Variants in NAV1 observed in about 807,000 individuals in gnomAD.
NAV1 encodes pore membrane and/or filament interacting like protein 3.
NAV1 carries 18 observed loss-of-function variants against 175.2 expected under a neutral mutation model. The ratio of observed to expected loss-of-function variants is 0.10; its 90% CI spans 0.07 to 0.15. The LOEUF (loss-of-function observed/expected upper bound fraction) is 0.15. Among genes scored for constraint, NAV1 ranks in the 10% least tolerant of loss-of-function variants. NAV1 has a pLI of 1.00. For missense variants in NAV1, 1,731 were observed against 2,436.6 expected, an observed-to-expected ratio of 0.71 and a Z score of 6.10; for synonymous variants, 897 against 978.7, an observed-to-expected ratio of 0.92 and a Z score of 1.56.
At chr1:201,707,536 T>C (rs2102458694) in intron 1 of NAV1, among the ~76,000 whole-genome samples, 1 of 152,352 alleles carries the variant, frequency 6.6e-6, no homozygotes, top group South Asian at 2.1e-4. Flanking sequence ...CAGGTCTTTC[T>C]GAATCTAAGG....
intron 2 of NAV1, among the ~76,000 whole-genome samples, chr1:201,613,270 G>T (rs948662695): frequency 3.9e-5 from 6 of 152,094 alleles, no homozygotes; most frequent in African/African-American, 1.4e-4. Context: ...AACTTGGCCT[G>T]CTGTGTAATT....
chr1:201,717,002 G>A (rs943194328), intron 2 of NAV1, among the ~76,000 whole-genome samples: 1 of 152,186 alleles, frequency 6.6e-6, no homozygotes, highest in East Asian at 1.9e-4. Flanking sequence ...ACTGGCCAGG[G>A]CCTCCCCCAT....
intron 1 of NAV1, among the ~76,000 whole-genome samples, chr1:201,586,273 A>G (rs1667025510): frequency 1.3e-5 from 2 of 149,106 alleles, no homozygotes; most frequent in South Asian, 4.4e-4. Context: ...CTAGAGACAA[A>G]AAGTAAAACG....
chr1:201,582,648 G>A (rs1471627021), intron 1 of NAV1, among the ~76,000 whole-genome samples: 1 of 152,228 alleles, frequency 6.6e-6, no homozygotes, highest in Non-Finnish European at 1.5e-5. Context: ...CAGGCCCAGA[G>A]GCCAAGGGGT....
At chr1:201,552,707 C>T (rs1220222127) in intron 1 of NAV1, among the ~76,000 whole-genome samples, 1 of 152,100 alleles carries the variant, frequency 6.6e-6, no homozygotes, top group Non-Finnish European at 1.5e-5. Context: ...ATTTGGATGC[C>T]CCGTGGCTCG....
intron 3 of NAV1, among the ~76,000 whole-genome samples, chr1:201,769,611 G>C (rs974157904): frequency 5.3e-5 from 8 of 152,278 alleles, no homozygotes; most frequent in African/African-American, 1.9e-4. Flanking sequence ...TGGCCAAATA[G>C]CTTCCTGCTG....
chr1:201,734,499 G>GAGAAGGAGA (rs1673018410), intron 3 of NAV1, among the ~76,000 whole-genome samples: 1 of 121,060 alleles, frequency 8.3e-6, no homozygotes, highest in African/African-American at 2.9e-5. Flanking sequence ...GAAGGAGAAG[G>GAGAAGGAGA]AGAAGAAGAA....
chr1:201,762,995 A>G (rs1001410973), intron 3 of NAV1, among the ~76,000 whole-genome samples: 2 of 152,200 alleles, frequency 1.3e-5, no homozygotes, highest in Non-Finnish European at 2.9e-5. Context: ...GAAAAAAAAA[A>G]TGTTGGTTCT....
At chr1:201,636,145 A>G (rs1343014876) in intron 2 of NAV1, among the ~76,000 whole-genome samples, 2 of 152,166 alleles carry the variant, frequency 1.3e-5, no homozygotes, top group African/African-American at 2.4e-5. Context: ...ACTCTGAACT[A>G]TTGTCTCCCT....
intron 28 of NAV1, among the ~76,000 whole-genome samples, chr1:201,816,598 C>T (rs1300772785): frequency 1.3e-5 from 2 of 151,276 alleles, no homozygotes; most frequent in African/African-American, 4.9e-5. Context: ...TTTATACCAA[C>T]TTATTTCCTT....
chr1:201,802,532 G>T (rs1013052020), intron 15 of NAV1, among the ~76,000 whole-genome samples: 1 of 150,640 alleles, frequency 6.6e-6, no homozygotes, highest in African/African-American at 2.4e-5. Flanking sequence ...TGTAATCCCA[G>T]CACTTTGGGA....
chr1:201,811,399 A>G (rs1330787361), intron 24 of NAV1, among the ~76,000 whole-genome samples: 1 of 152,134 alleles, frequency 6.6e-6, no homozygotes, highest in Non-Finnish European at 1.5e-5. Context: ...TGGGGAATTT[A>G]GGGGCTGCTG....
intron 5 of NAV1, among the ~76,000 whole-genome samples, chr1:201,781,662 CT>C (rs1282828059): frequency 6.6e-6 from 1 of 152,120 alleles, no homozygotes; most frequent in East Asian, 1.9e-4. Context: ...ACTCAAGGCA[CT>C]TATTTTCATA....
rs1558119558 is a variant in NAV1 at position 201,744,320 on chromosome 1, T to TATG, written c.1226+25565_1226+25566insATG. Among the ~76,000 whole-genome samples the TATG allele has an allele frequency of 4.5e-3, 589 of 132,300 alleles. 2 individuals carry two copies. Among genetic ancestry groups the TATG allele is most frequent in the African/African-American group, 0.016 (567 of 34,818 alleles). The allele number at this position is 132,300 out of a possible 152,430, so 86.8% of individuals were successfully genotyped here. A position where few individuals can be genotyped will look rare whatever the true frequency, so the allele number is the denominator to read the frequency against. On this transcript the variant is annotated intron_variant, in intron 3 of 29. Transcript: ENST00000367296. ...GACGGCTATGTATGTATGTATGTAT[T>TATG]TATTTATTTATTTATTTATTTATTT...
At chr1:201,754,637 C>T (rs536323121) in intron 3 of NAV1, among the ~76,000 whole-genome samples, 8 of 152,190 alleles carry the variant, frequency 5.3e-5, no homozygotes, top group South Asian at 2.1e-4. Flanking sequence ...CAAATGCAGG[C>T]GAAAAGTTCT....
At chr1:201,705,761 C>T (rs1671640531) in intron 1 of NAV1, among the ~76,000 whole-genome samples, 2 of 151,962 alleles carry the variant, frequency 1.3e-5, no homozygotes. Flanking sequence ...CATCAGATGG[C>T]GAAGAAAAGG....
chr1:201,783,013 A>G (rs1427667489), intron 6 of NAV1, 144 bp downstream of exon 10: 3 of 677,480 alleles, frequency 4.4e-6, no homozygotes, highest in Non-Finnish European at 7.3e-6. Flanking sequence ...TCTCCCCCAT[A>G]TGCCAAGGTT....
Position 201,640,450 on chromosome 1 carries a change from AG to A in NAV1, c.5-8183del, listed in dbSNP as rs1668719248. Among the ~76,000 whole-genome samples the A allele has an allele frequency of 2.0e-5, 3 of 152,298 alleles. No homozygotes were observed. In the South Asian group the frequency reaches 6.2e-4, roughly 32 times the overall value. On this transcript the variant is annotated intron_variant, in intron 2 of 29. Transcript: ENST00000367302. ...AAGTGGGAGTGGGGGATGGGGCTGAAGTCCCAGCTGGGATTACTGCCTGGGC... is the reference window on the plus strand; with the variant it reads ...AAGTGGGAGTGGGGGATGGGGCTGAATCCCAGCTGGGATTACTGCCTGGGC...
intron 1 of NAV1, among the ~76,000 whole-genome samples, chr1:201,628,858 C>T (rs917530160): frequency 1.1e-4 from 17 of 152,136 alleles, no homozygotes; most frequent in Non-Finnish European, 2.2e-4. Flanking sequence ...GACCTGTCCT[C>T]CCGGGAGTCA....
Sources: gnomAD v4.1 joint callset for allele counts (sites outside exome capture counted in the v4.1 genomes callset) on GRCh38, gnomAD v4.1.1 for gene constraint, MANE v1.5 for transcripts, NCBI Gene and HGNC (gene_info 2026-07-23, HGNC 2026-07-21) for gene names.